The following RNPS1 variants were observed in gnomAD, a reference collection of about 807,000 sequenced individuals.
RNPS1 encodes RNA binding protein with serine rich domain 1.
For synonymous variants in RNPS1, 147 were observed against 150.0 expected, an observed-to-expected ratio of 0.98 and a Z score of 0.15; for missense variants, 300 against 427.6, an observed-to-expected ratio of 0.70 and a Z score of 2.63.
intron 6 of RNPS1, among the ~76,000 whole-genome samples, chr16:2,259,625 C>A (rs2093593944): frequency 6.6e-6 from 1 of 152,238 alleles, no homozygotes; most frequent in African/African-American, 2.4e-5. Flanking sequence ...TGCAGTGGCT[C>A]ACGCCTGTAA....
rs570800714 is a variant in RNPS1 at position 2,264,974 on chromosome 16, G to A, written c.-117-214C>T. 49 of 241,000 alleles carry A rather than the reference G, an allele frequency of 2.0e-4. 1 individual carries two copies. The highest frequency in any genetic ancestry group is 9.5e-4 in the African/African-American group (42 of 44,108). 14.9% of individuals were successfully genotyped at this position (241,000 alleles called of 1,614,324 possible). On this transcript the variant is annotated intron_variant, in intron 1 of 7. Transcript: ENST00000320225. ...GCACAGGTACAACTGTCGCCCCAGC[G>A]TATCTTTTTCTTAAAAAATGGAGAT...
At chr16:2,265,832 GTTT>G (rs571585753) in intron 1 of RNPS1, 1 of 152,098 alleles carries the variant, frequency 6.6e-6, no homozygotes, top group South Asian at 2.1e-4. Context: ...ACCTTCCTGT[GTTT>G]TTTTTAACAT....
chr16:2,255,653 G>A lies in RNPS1; in HGVS notation c.750C>T (p.Phe250=). ...GTGGCAACATTCTCCTGGGAGGGCTGAATCTCCTGGGGGGTGGCCTAGGCC... is the reference window on the plus strand; with the variant it reads ...GTGGCAACATTCTCCTGGGAGGGCTAAATCTCCTGGGGGGTGGCCTAGGCC... ...APWPRPPPRR[F]SPPRRMLPPP... The change falls in exon 7 of 8, where the codon TTC becomes TTT. Residue 250 remains phenylalanine, a synonymous_variant. Transcript: ENST00000320225. 1 of 1,612,512 alleles carries A rather than the reference G, an allele frequency of 6.2e-7. No homozygotes were observed. Among genetic ancestry groups the A allele is most frequent in the Non-Finnish European group, 8.5e-7 (1 of 1,179,270 alleles).
rs559643043 is a variant in RNPS1, at chr16:2,254,108, G to A, written c.819-45C>T. The A allele has an allele frequency of 2.8e-5, 38 of 1,334,414 alleles. No homozygotes were observed. The African/African-American group carries it at 4.1e-4, about 14-fold the overall frequency. 82.7% of individuals were successfully genotyped at this position (1,334,414 alleles called of 1,614,324 possible). Reference sequence around the variant, plus strand: ...CACATCAGAGTAGCTCAGGCTGTAGGGGCAAGCTAGCTTCTTTCTGGGCAA... The same window carrying A: ...CACATCAGAGTAGCTCAGGCTGTAGAGGCAAGCTAGCTTCTTTCTGGGCAA... On this transcript the variant is annotated intron_variant, in intron 7 of 7. Transcript: ENST00000320225.
chr16:2,253,823 G>A lies in RNPS1; in HGVS notation c.*141C>T, dbSNP rs771571138. The A allele has an allele frequency of 1.6e-5, 12 of 768,172 alleles. No homozygotes were observed. The highest frequency in any genetic ancestry group is 2.8e-5 in the Non-Finnish European group (12 of 432,730). The allele number at this position is 768,172 out of a possible 1,614,324, so 47.6% of individuals were successfully genotyped here. ...CACTTCTGCAGCCGGGGCCCGGCTG[G>A]CAGAGGGGTGCTGCCTGCTGCCTGC... On this transcript the variant is annotated 3_prime_UTR_variant, in exon 8 of 8. Coordinates refer to ENST00000320225, the MANE Select transcript of RNPS1 (RefSeq NM_080594.4).
chr16:2,255,427 G>A (rs2093573542), intron 7 of RNPS1, among the ~76,000 whole-genome samples, 158 bp downstream of exon 7: 2 of 152,236 alleles, frequency 1.3e-5, no homozygotes, highest in Non-Finnish European at 2.9e-5. Flanking sequence ...CTGCAGCTGT[G>A]GCCCTCCTGC....
At chr16:2,257,133 G>A (rs915122368) in intron 6 of RNPS1, 6 of 152,208 alleles carry the variant, frequency 3.9e-5, no homozygotes, top group Admixed American at 1.3e-4. Flanking sequence ...GTGGGATGTG[G>A]GCTCCAGGGA....
At chr16:2,267,953 G>A (rs1734945053) in intron 1 of RNPS1, 102 bp downstream of exon 1, 2 of 1,530,210 alleles carry the variant, frequency 1.3e-6, no homozygotes, top group African/African-American at 1.4e-5. Flanking sequence ...GGCCACCGCC[G>A]CACTGCGGGG....
intron 1 of RNPS1, chr16:2,266,630 G>C (rs1169881348): frequency 1.3e-5 from 13 of 985,262 alleles, no homozygotes; most frequent in Non-Finnish European, 1.6e-5. Context: ...ACAGACACTT[G>C]TCTCCAAAGT....
chr16:2,261,661 G>A (rs1400887754), intron 6 of RNPS1, among the ~76,000 whole-genome samples: 1 of 152,166 alleles, frequency 6.6e-6, no homozygotes, highest in Non-Finnish European at 1.5e-5. Flanking sequence ...TGGGATATAA[G>A]AAAAGCCCAC....
intron 6 of RNPS1, among the ~76,000 whole-genome samples, chr16:2,261,476 T>C (rs941893100): frequency 3.2e-4 from 48 of 152,216 alleles, no homozygotes; most frequent in African/African-American, 1.1e-3. Flanking sequence ...CAATGCTTCA[T>C]CTCCCTACGA....
intron 3 of RNPS1, among the ~76,000 whole-genome samples, chr16:2,263,555 G>A (rs2093612108): frequency 6.6e-6 from 1 of 152,200 alleles, no homozygotes; most frequent in Admixed American, 6.5e-5. Flanking sequence ...AAAGGACTCT[G>A]GCAAAAGTCA....
At chr16:2,261,760 T>C (rs1024419746) in intron 6 of RNPS1, among the ~76,000 whole-genome samples, 10 of 152,186 alleles carry the variant, frequency 6.6e-5, no homozygotes, top group African/African-American at 1.9e-4. Flanking sequence ...GCCAGTTTTA[T>C]TGGGAAGAAA....
chr16:2,261,972 T>C (rs1195946001), intron 6 of RNPS1, among the ~76,000 whole-genome samples: 4 of 152,224 alleles, frequency 2.6e-5, no homozygotes, highest in Non-Finnish European at 4.4e-5. Flanking sequence ...TTAAAAAATA[T>C]ATAAGCTCTG....
chr16:2,264,958 C>T (rs1033857645), intron 1 of RNPS1, 198 bp from the exon 2 acceptor site: 6 of 286,018 alleles, frequency 2.1e-5, no homozygotes, highest in South Asian at 6.9e-5. Context: ...GGCACAGGTA[C>T]AACTGTCGCC....
intron 1 of RNPS1, chr16:2,264,979 T>C (rs2093619389): frequency 8.5e-6 from 2 of 234,072 alleles, no homozygotes; most frequent in Non-Finnish European, 1.7e-5. Context: ...CCAGCGTATC[T>C]TTTTCTTAAA....
Position 2,264,601 on chromosome 16 carries a change from T to C in RNPS1, c.43A>G (p.Lys15Glu), listed in dbSNP as rs770188560. The C allele has an allele frequency of 1.9e-6, 3 of 1,613,532 alleles. No homozygotes were observed. In the South Asian group the frequency reaches 3.3e-5, roughly 18 times the overall value. ...GTGCTGGACTTTTTATTATTTTCTT[T>C]GACTCCTAGCAAGCTCTTCTTTTTC... ...GVKKKSLLGVKENNKKSSTRA... is the reference protein window; with the variant it reads ...GVKKKSLLGVEENNKKSSTRA... Residue 15 changes from lysine to glutamate, a missense_variant, in exon 2 of 8, where the codon AAA (lysine) becomes GAA (glutamate). By Grantham distance (56) the Lys-to-Glu change is moderately conservative. Coordinates refer to ENST00000320225, the MANE Select transcript of RNPS1 (RefSeq NM_080594.4).
chr16:2,258,707 C>T (rs2093589421), intron 6 of RNPS1: 1 of 151,954 alleles, frequency 6.6e-6, no homozygotes, highest in African/African-American at 2.4e-5. Context: ...GCGTGGGCGA[C>T]AGAGCAAGAC....
chr16:2,263,953 C>T, intron 3 of RNPS1: 1 of 424,816 alleles, frequency 2.4e-6, no homozygotes, highest in Non-Finnish European at 4.2e-6. Flanking sequence ...TGGTCTTGAA[C>T]TCCAGGCCCC....
Sources: gnomAD v4.1 joint callset for allele counts (sites outside exome capture counted in the v4.1 genomes callset) on GRCh38, gnomAD v4.1.1 for gene constraint, MANE v1.5 for transcripts, NCBI Gene and HGNC (gene_info 2026-07-23, HGNC 2026-07-21) for gene names.